RIPOR2: variants seen among roughly 807,000 people sequenced by gnomAD.
RIPOR2 encodes rho family-interacting cell polarization regulator 2.
A neutral mutation model predicts 114.5 loss-of-function variants in RIPOR2; 39 were observed. That is an observed-to-expected ratio of 0.34 (90% CI 0.26 to 0.44). The LOEUF is 0.44. Among genes scored for constraint, RIPOR2 ranks in the 20% least tolerant of loss-of-function variants. The probability of loss-of-function intolerance (pLI) is 1.00; values close to 1 mark genes in which losing one functional copy is unlikely to be tolerated. For synonymous variants in RIPOR2, 445 were observed against 484.4 expected (o/e 0.92, Z 1.07); for missense variants, 1,007 against 1,255.1 (o/e 0.80, Z 2.99).
intron 1 of RIPOR2, among the ~76,000 whole-genome samples, chr6:25,017,979 C>T (rs572821391): frequency 3.3e-5 from 5 of 152,288 alleles, no homozygotes; most frequent in Non-Finnish European, 5.9e-5. Flanking sequence ...TCTCTAAGTA[C>T]TGAGGGATGA....
rs35237151 is a variant in RIPOR2 at position 25,013,023 on chromosome 6, GTT to G, written c.76+28826_76+28827del. Among the ~76,000 whole-genome samples the G allele has an allele frequency of 2.1e-3, 312 of 146,230 alleles. 1 individual carries two copies. Among genetic ancestry groups the G allele is most frequent in the African/African-American group, 5.4e-3 (217 of 39,852 alleles). On this transcript the variant is annotated intron_variant, in intron 1 of 13. Coordinates refer to the RIPOR2 transcript ENST00000510784. ...TGATTAAATAGCACTCCATCTCTGG[GTT>G]TTTTTTTTTTTCCTTTTTCTTCCAG...
chr6:24,805,577 G>A lies in RIPOR2; in HGVS notation c.*796C>T, dbSNP rs1310233778. The A allele has an allele frequency of 7.3e-6, 1 of 137,336 alleles. No homozygotes were observed. The highest frequency in any genetic ancestry group is 2.0e-4 in the East Asian group (1 of 5,046). The allele number at this position is 137,336 out of a possible 1,614,324, so 8.5% of individuals were successfully genotyped here. A position where few individuals can be genotyped will look rare whatever the true frequency, so the allele number is the denominator to read the frequency against. ...CTAATGGGTCATTTTGCCAGGTTCT[G>A]CAGGCAAACTTTTATTTGAAGATAT... On this transcript the variant is annotated 3_prime_UTR_variant, in exon 22 of 22. Coordinates refer to ENST00000643898, the MANE Select transcript of RIPOR2 (RefSeq NM_001286445.3).
intron 19 of RIPOR2, among the ~76,000 whole-genome samples, chr6:24,821,674 G>C (rs1338924837): frequency 6.6e-6 from 1 of 152,154 alleles, no homozygotes; most frequent in Non-Finnish European, 1.5e-5. Flanking sequence ...ACTTGAGGGT[G>C]AGCAGCCAAA....
rs10598852 is a variant in RIPOR2, at chr6:24,913,150, A to AGTGTGTGT, written c.61+22680_61+22687dup. 7.2e-3 allele frequency among the ~76,000 whole-genome samples: 1,079 copies of AGTGTGTGT among 149,356 alleles called. 15 individuals are homozygous for AGTGTGTGT. The highest frequency in any genetic ancestry group is 0.024 in the African/African-American group (995 of 40,664). ...TGGGCATGACTGTGGGCATGACTTG[A>AGTGTGTGT]GTGTGTGTGTGTGTGTGTGTGTGTG... On this transcript the variant is annotated intron_variant, in intron 1 of 21. Coordinates refer to ENST00000643898, the MANE Select transcript of RIPOR2 (RefSeq NM_001286445.3).
chr6:24,990,598 T>C (rs1381395942), intron 1 of RIPOR2, among the ~76,000 whole-genome samples: 1 of 152,270 alleles, frequency 6.6e-6, no homozygotes, highest in East Asian at 1.9e-4. Flanking sequence ...TGATGGTTTA[T>C]AGTTTAAACT....
intron 1 of RIPOR2, among the ~76,000 whole-genome samples, chr6:25,001,672 G>T (rs1266217619): frequency 7.2e-6 from 1 of 139,182 alleles, no homozygotes; most frequent in African/African-American, 2.6e-5. Flanking sequence ...TTTAGGCTTT[G>T]TGGGCCTTAC....
At chr6:24,906,152 C>A (rs1768970369) in intron 1 of RIPOR2, among the ~76,000 whole-genome samples, 1 of 152,272 alleles carries the variant, frequency 6.6e-6, no homozygotes, top group African/African-American at 2.4e-5. Flanking sequence ...ACCTTCCTTG[C>A]AAGACATGCC....
intron 1 of RIPOR2, among the ~76,000 whole-genome samples, chr6:24,925,016 T>C (rs1039855687): frequency 2.0e-5 from 3 of 152,240 alleles, no homozygotes; most frequent in Non-Finnish European, 4.4e-5. Context: ...GGAATTCTTT[T>C]CCTTTGGGAT....
At chr6:24,899,349 T>G (rs562235910) in intron 1 of RIPOR2, among the ~76,000 whole-genome samples, 1 of 152,302 alleles carries the variant, frequency 6.6e-6, no homozygotes, top group South Asian at 2.1e-4. Flanking sequence ...ACATATGAGT[T>G]AAGTCAGTGA....
chr6:25,022,604 G>A (rs1215750981), intron 1 of RIPOR2, among the ~76,000 whole-genome samples: 2 of 115,646 alleles, frequency 1.7e-5, no homozygotes, highest in East Asian at 5.7e-4. Context: ...GGCTGGAGTG[G>A]GTTGTGTTCA....
At chr6:24,818,681 G>C in intron 19 of RIPOR2, 56 bp from the exon 20 acceptor site, 1 of 1,098,070 alleles carries the variant, frequency 9.1e-7, no homozygotes, top group Admixed American at 2.2e-5. Context: ...TAGTTTAAGA[G>C]GTATACCTCA....
chr6:24,835,390 T>C (rs1761031152), intron 15 of RIPOR2, among the ~76,000 whole-genome samples: 1 of 152,188 alleles, frequency 6.6e-6, no homozygotes, highest in African/African-American at 2.4e-5. Context: ...TTGCAGATGG[T>C]GGAATACAAA....
At chr6:24,932,314 C>CTG (rs58590259) in intron 1 of RIPOR2, among the ~76,000 whole-genome samples, 16,466 of 149,108 alleles carry the variant, frequency 0.11, 924 homozygotes, top group African/African-American at 0.12. Flanking sequence ...AAACTTAAGA[C>CTG]TGTGTGTGTG....
At chr6:25,041,965 G>T (rs1262891569) in exon 1 of RIPOR2, 2 of 687,790 alleles carry the variant, frequency 2.9e-6, no homozygotes, top group Non-Finnish European at 5.3e-6. Context: ...TCATGGCAAA[G>T]GAACAAAAGG....
At chr6:24,810,735 G>T (rs1330247258) in intron 20 of RIPOR2, among the ~76,000 whole-genome samples, 1 of 151,254 alleles carries the variant, frequency 6.6e-6, no homozygotes, top group Admixed American at 6.7e-5. Context: ...AATCACTGTG[G>T]GCTTTCTATT....
At chr6:24,954,561 T>A (rs771872150) in intron 1 of RIPOR2, among the ~76,000 whole-genome samples, 18 of 151,058 alleles carry the variant, frequency 1.2e-4, no homozygotes, top group South Asian at 2.1e-4. Context: ...GCTTAAGCGT[T>A]TCTCCTGTCT....
At chr6:24,903,032 G>A (rs528705792) in intron 1 of RIPOR2, among the ~76,000 whole-genome samples, 2 of 152,224 alleles carry the variant, frequency 1.3e-5, no homozygotes, top group Non-Finnish European at 2.9e-5. Context: ...AATTGGGAAG[G>A]CCTCTGCCAG....
chr6:24,820,980 C>T (rs562813023), intron 19 of RIPOR2, among the ~76,000 whole-genome samples: 8 of 147,444 alleles, frequency 5.4e-5, no homozygotes, highest in Admixed American at 1.4e-4. Context: ...TCAAGCCATA[C>T]GCCCACCTTA....
At chr6:24,834,235 C>A (rs1217726436) in intron 15 of RIPOR2, among the ~76,000 whole-genome samples, 1 of 152,174 alleles carries the variant, frequency 6.6e-6, no homozygotes, top group Non-Finnish European at 1.5e-5. Flanking sequence ...AACCAGTCTC[C>A]CACAGCACAC....
Sources: gnomAD v4.1 joint callset for allele counts (sites outside exome capture counted in the v4.1 genomes callset) on GRCh38, gnomAD v4.1.1 for gene constraint, MANE v1.5 for transcripts, NCBI Gene and HGNC (gene_info 2026-07-23, HGNC 2026-07-21) for gene names.